Variants in CCSER1 observed in about 807,000 individuals in gnomAD.
The protein encoded by CCSER1 is serine-rich coiled-coil domain-containing protein 1.
CCSER1 carries 41 observed loss-of-function variants against 82.0 expected under a neutral mutation model. The ratio of observed to expected loss-of-function variants is 0.50; its 90% CI spans 0.39 to 0.65. The LOEUF (loss-of-function observed/expected upper bound fraction) is 0.65. CCSER1 is among the 30% of genes least tolerant of loss of function. The pLI, the probability that CCSER1 is intolerant of heterozygous loss-of-function variation, is 0.00. For synonymous variants in CCSER1, 414 were observed against 383.9 expected, an observed-to-expected ratio of 1.08 and a Z score of -0.92; for missense variants, 1,119 against 1,064.2, an observed-to-expected ratio of 1.05 and a Z score of -0.72.
intron 1 of CCSER1, among the ~76,000 whole-genome samples, chr4:90,268,899 A>G (rs551752356): frequency 6.6e-6 from 1 of 152,306 alleles, no homozygotes; most frequent in Admixed American, 6.5e-5. Flanking sequence ...GAGTAGCTAC[A>G]CTTACATCAG....
At chr4:90,695,256 G>T (rs1441773627) in intron 6 of CCSER1, among the ~76,000 whole-genome samples, 2 of 151,680 alleles carry the variant, frequency 1.3e-5, no homozygotes, top group Admixed American at 6.6e-5. Flanking sequence ...GAAAGATCTG[G>T]CATAAATGAT....
rs144601494 is a variant in CCSER1, at chr4:91,429,267, G to A, written c.2218-169305G>A. 4.2e-3 allele frequency among the ~76,000 whole-genome samples: 638 copies of A among 151,824 alleles called. 6 individuals carry two copies. Among genetic ancestry groups the A allele is most frequent in the South Asian group, 0.019 (94 of 4,828 alleles). On this transcript the variant is annotated intron_variant, in intron 10 of 10. Coordinates refer to ENST00000509176, the MANE Select transcript of CCSER1 (RefSeq NM_001145065.2). ...TAATTTCAGATGTTCTTGACTGATC[G>A]TTTTTGATATCTATATCTATTTCTC...
intron 6 of CCSER1, among the ~76,000 whole-genome samples, chr4:90,652,520 A>G (rs1376738054): frequency 1.3e-5 from 2 of 152,172 alleles, no homozygotes; most frequent in Non-Finnish European, 2.9e-5. Flanking sequence ...TGCTGAACTG[A>G]AGAAGCCTTA....
intron 9 of CCSER1, chr4:91,017,048 G>A (rs1391747538): frequency 6.6e-6 from 1 of 152,152 alleles, no homozygotes; most frequent in Non-Finnish European, 1.5e-5. Flanking sequence ...CTTAATATTG[G>A]AGTAATAGGA....
At chr4:90,396,548 G>T (rs1250792194) in intron 3 of CCSER1, among the ~76,000 whole-genome samples, 3 of 152,052 alleles carry the variant, frequency 2.0e-5, no homozygotes, top group Non-Finnish European at 4.4e-5. Context: ...TAAATTAGTA[G>T]TACCTTTTTA....
At chr4:91,474,761 G>A (rs997764984) in intron 10 of CCSER1, among the ~76,000 whole-genome samples, 8 of 64,324 alleles carry the variant, frequency 1.2e-4, no homozygotes, top group East Asian at 8.0e-4. Context: ...ACACACACAT[G>A]TGTGTGTATA....
chr4:90,213,178 G>A (rs1387137116), intron 1 of CCSER1, among the ~76,000 whole-genome samples: 1 of 152,198 alleles, frequency 6.6e-6, no homozygotes, highest in African/African-American at 2.4e-5. Flanking sequence ...GTAGCTGACA[G>A]GGTGGTAGCA....
At chr4:90,640,754 C>T (rs1367753627) in intron 6 of CCSER1, among the ~76,000 whole-genome samples, 6 of 152,220 alleles carry the variant, frequency 3.9e-5, no homozygotes, top group Middle Eastern at 3.4e-3. Flanking sequence ...TTTCCCCTTT[C>T]GCTCTGCACT....
chr4:91,167,185 CTTTTTTTT>C lies in CCSER1; in HGVS notation c.2217+81203_2217+81210del, dbSNP rs55920118. 3.3e-3 allele frequency among the ~76,000 whole-genome samples: 395 copies of C among 121,496 alleles called. 5 individuals are homozygous for C. The highest frequency in any genetic ancestry group is 0.026 in the Admixed American group (277 of 10,826). 79.7% of individuals were successfully genotyped at this position (121,496 alleles called of 152,430 possible). On this transcript the variant is annotated intron_variant, in intron 10 of 10. Coordinates refer to ENST00000509176, the MANE Select transcript of CCSER1 (RefSeq NM_001145065.2). ...TAAATACATGACAAGAATTGCAATA[CTTTTTTTT>C]TTTTTTTTTTTGAGACGGCTTCTCA... is the stretch of plus-strand genomic sequence containing the variant.
chr4:90,599,348 C>A (rs1410773873), intron 5 of CCSER1, among the ~76,000 whole-genome samples: 3 of 151,910 alleles, frequency 2.0e-5, no homozygotes, highest in Non-Finnish European at 4.4e-5. Context: ...TTTGGCAATC[C>A]CCTTTTCATT....
intron 3 of CCSER1, among the ~76,000 whole-genome samples, chr4:90,395,493 A>G (rs1021812274): frequency 6.6e-6 from 1 of 152,146 alleles, no homozygotes; most frequent in Non-Finnish European, 1.5e-5. Flanking sequence ...CTAAACCTAC[A>G]TGAAAGCCAT....
At chr4:90,938,941 C>A (rs62312321) in intron 9 of CCSER1, 8,543 of 158,448 alleles carry the variant, frequency 0.054, 328 homozygotes, top group Admixed American at 0.12. Context: ...CTGCTTTATT[C>A]TCATTGTATT....
At chr4:90,998,055 C>T (rs1012855786) in intron 9 of CCSER1, among the ~76,000 whole-genome samples, 14 of 151,858 alleles carry the variant, frequency 9.2e-5, no homozygotes, top group Non-Finnish European at 2.1e-4. Flanking sequence ...ATTGAAAACT[C>T]GCTTCTTTTT....
chr4:91,424,387 A>C (rs1753858985), intron 10 of CCSER1, among the ~76,000 whole-genome samples: 1 of 152,066 alleles, frequency 6.6e-6, no homozygotes, highest in African/African-American at 2.4e-5. Context: ...ATGCCCTCTC[A>C]CACTTTACCT....
At chr4:90,615,855 A>G (rs1721092058) in intron 5 of CCSER1, among the ~76,000 whole-genome samples, 1 of 152,138 alleles carries the variant, frequency 6.6e-6, no homozygotes, top group South Asian at 2.1e-4. Flanking sequence ...AATGCTACCA[A>G]ATGGAATTGC....
intron 3 of CCSER1, among the ~76,000 whole-genome samples, chr4:90,332,289 T>A (rs1168542762): frequency 2.0e-5 from 3 of 151,396 alleles, no homozygotes; most frequent in Non-Finnish European, 4.4e-5. Flanking sequence ...CAGGCTGGAG[T>A]GCAGTGGCTT....
At chr4:90,314,709 A>G (rs1431507327) in intron 3 of CCSER1, among the ~76,000 whole-genome samples, 1 of 151,950 alleles carries the variant, frequency 6.6e-6, no homozygotes, top group East Asian at 1.9e-4. Context: ...TTATTGCACC[A>G]CTGCACTTCG....
chr4:90,461,325 C>A (rs1253644052), intron 4 of CCSER1, among the ~76,000 whole-genome samples: 1 of 117,094 alleles, frequency 8.5e-6, no homozygotes, highest in East Asian at 2.0e-4. Flanking sequence ...CCTCGGCCTC[C>A]CAAAGTGCTG....
chr4:91,096,359 G>T (rs1164149522), intron 10 of CCSER1, among the ~76,000 whole-genome samples: 1 of 152,190 alleles, frequency 6.6e-6, no homozygotes, highest in East Asian at 1.9e-4. Flanking sequence ...TGAGTCTTCA[G>T]GCTCTGAATC....
Sources: allele counts gnomAD v4.1 joint callset (sites outside exome capture counted in the v4.1 genomes callset), GRCh38; gene constraint gnomAD v4.1.1; transcripts MANE v1.5; gene names NCBI Gene and HGNC (gene_info 2026-07-23, HGNC 2026-07-21).